ARMC2: variants seen among roughly 807,000 people sequenced by gnomAD.
ARMC2 encodes the protein armadillo repeat-containing protein 2.
Under a neutral mutation model 90.3 loss-of-function variants are expected in ARMC2, and 67 were observed. The observed-to-expected ratio is 0.74, with a 90% CI of 0.61 to 0.91. The LOEUF is 0.91. Among genes scored for constraint, ARMC2 ranks in the 40% least tolerant of loss-of-function variants. The pLI is 0.00. For missense variants in ARMC2, 920 were observed against 1,030.9 expected (o/e 0.89, Z 1.47); for synonymous variants, 393 against 393.0 (o/e 1.00, Z 0.00).
chr6:109,045,241 T>C, the ARMC2 span, among the ~76,000 whole-genome samples: 3 of 152,112 alleles, frequency 2.0e-5, no homozygotes, highest in African/African-American at 7.2e-5. Context: ...ATCTATCCCC[T>C]ATCCTCAACC....
rs1306879291 is a variant in ARMC2 at position 108,876,429 on chromosome 6, A to G, written c.671+79A>G. 2.1e-6 allele frequency: 3 copies of G among 1,436,908 alleles called. No homozygotes were observed. In the East Asian group the frequency reaches 7.0e-5, roughly 34 times the overall value. 89.0% of individuals were successfully genotyped at this position (1,436,908 alleles called of 1,614,324 possible). A position where few individuals can be genotyped will look rare whatever the true frequency, so the allele number is the denominator to read the frequency against. On this transcript the variant is annotated intron_variant, in intron 5 of 17. Coordinates refer to ENST00000392644, the MANE Select transcript of ARMC2 (RefSeq NM_032131.6). ...GTTTCTTCTCTATTTTATATAGATG[A>G]TTGGTTTGCTTTTTCTCTTTTATGT... is the stretch of plus-strand genomic sequence containing the variant.
chr6:109,033,414 T>A, the ARMC2 span, among the ~76,000 whole-genome samples: 2 of 152,224 alleles, frequency 1.3e-5, no homozygotes, highest in East Asian at 3.8e-4. Flanking sequence ...AAAGGTGGCA[T>A]TGTCAGAGGT....
intron 3 of ARMC2, among the ~76,000 whole-genome samples, chr6:108,861,406 C>T (rs1389679882): frequency 4.6e-5 from 7 of 152,190 alleles, no homozygotes; most frequent in Admixed American, 4.6e-4. Context: ...CTCATATGAA[C>T]AAGGACAGTC....
At chr6:109,040,657 C>CT in the ARMC2 span, among the ~76,000 whole-genome samples, 2,810 of 142,064 alleles carry the variant, frequency 0.02, 63 homozygotes, top group African/African-American at 0.056. Flanking sequence ...CTAGCATAAT[C>CT]TTTTTTTTTT....
chr6:108,988,783 TTCTC>T, the ARMC2 span: 45 of 1,017,156 alleles, frequency 4.4e-5, no homozygotes, highest in African/African-American at 1.7e-4. Context: ...ACTGTATTTT[TTCTC>T]TCTTTGTGTA....
chr6:108,857,960 T>A (rs1373209140), intron 2 of ARMC2, among the ~76,000 whole-genome samples: 1 of 152,200 alleles, frequency 6.6e-6, no homozygotes, highest in Non-Finnish European at 1.5e-5. Context: ...CAAAGCTTTT[T>A]AAAAAATTAC....
intron 12 of ARMC2, 136 bp from the exon 13 acceptor site, chr6:108,952,897 C>T (rs1489388806): frequency 6.1e-6 from 5 of 821,120 alleles, no homozygotes; most frequent in Admixed American, 2.8e-5. Context: ...GAATCAAATA[C>T]TGTACAAGTG....
rs781002767 is a variant in ARMC2, at chr6:108,854,385, G to T, written c.118G>T (p.Val40Phe). 6.2e-7 allele frequency: 1 copy of T among 1,613,256 alleles called. No individual in the cohort carries two copies. Among genetic ancestry groups the T allele is most frequent in the South Asian group, 1.1e-5 (1 of 91,050 alleles). Reference sequence around the variant, plus strand: ...TGAAGCAAGAAATGCATTAAGAACAGTTAGAACCCAAAGACCATTTACACC... The same window carrying T: ...TGAAGCAAGAAATGCATTAAGAACATTTAGAACCCAAAGACCATTTACACC... ...ISEARNALRT[V>F]RTQRPFTPQE... The change falls in exon 2 of 18, where the codon GTT (valine) becomes TTT (phenylalanine). Residue 40 changes from valine (V) to phenylalanine (F), a missense_variant. By Grantham distance (50) the Val-to-Phe change is conservative. Transcript: ENST00000392644.
At chr6:108,967,572 G>A (rs1051923344) in intron 17 of ARMC2, among the ~76,000 whole-genome samples, 16 of 152,178 alleles carry the variant, frequency 1.1e-4, no homozygotes, top group African/African-American at 3.9e-4. Context: ...ATGCCCAAGT[G>A]CCTGATATAA....
chr6:108,953,004 CT>C (rs1275839728), intron 12 of ARMC2, 28 bp from the exon 13 acceptor site: 1 of 1,570,080 alleles, frequency 6.4e-7, no homozygotes, highest in Non-Finnish European at 8.7e-7. Flanking sequence ...CCCCTTTGCA[CT>C]TTTGACTCTG....
At chr6:109,040,114 G>A in the ARMC2 span, among the ~76,000 whole-genome samples, 4 of 152,178 alleles carry the variant, frequency 2.6e-5, no homozygotes, top group African/African-American at 9.7e-5. Context: ...AAAAACTTCA[G>A]TCATGAGATA....
chr6:108,859,422 T>G (rs1774985816), intron 3 of ARMC2, among the ~76,000 whole-genome samples: 1 of 152,150 alleles, frequency 6.6e-6, no homozygotes, highest in Non-Finnish European at 1.5e-5. Context: ...TATAGTTTCT[T>G]GAGAAAGGGT....
At chr6:108,931,706 A>T (rs1368867517) in intron 11 of ARMC2, among the ~76,000 whole-genome samples, 1 of 148,882 alleles carries the variant, frequency 6.7e-6, no homozygotes. Flanking sequence ...CTTTTTTTCC[A>T]TATGCTTATT....
the ARMC2 span, among the ~76,000 whole-genome samples, chr6:108,994,291 C>T: frequency 1.3e-5 from 2 of 152,052 alleles, no homozygotes; most frequent in Non-Finnish European, 2.9e-5. Flanking sequence ...TCACTTATGA[C>T]CTTTTCTTAG....
chr6:108,909,099 A>C (rs1347397650), intron 8 of ARMC2, among the ~76,000 whole-genome samples: 1 of 152,224 alleles, frequency 6.6e-6, no homozygotes, highest in Non-Finnish European at 1.5e-5. Flanking sequence ...ATAACTTTAA[A>C]GATAGTTTTT....
chr6:108,990,762 TCATCAATCAACTGTCCCA>T, the ARMC2 span: 1 of 1,614,156 alleles, frequency 6.2e-7, no homozygotes, highest in Non-Finnish European at 8.5e-7. Flanking sequence ...GTGAAATTTT[TCATCAATCAACTGTCCCA>T]CATCTGGATA....
intron 5 of ARMC2, among the ~76,000 whole-genome samples, chr6:108,892,864 CA>C (rs2128456155): frequency 6.6e-6 from 1 of 152,022 alleles, no homozygotes; most frequent in South Asian, 2.1e-4. Flanking sequence ...GGCTAAGCTG[CA>C]ACATGGCATA....
chr6:108,987,289 A>G, the ARMC2 span: 1 of 365,738 alleles, frequency 2.7e-6, no homozygotes, highest in Non-Finnish European at 4.9e-6. Context: ...ACAGTTACAC[A>G]GCATCTTGTA....
In ARMC2 at chr6:108,912,473, T is replaced by A. The variant is rs1188036459; in HGVS notation, c.1265T>A (p.Ile422Lys). Residue 422 changes from isoleucine to lysine, a missense_variant, in exon 10 of 18, where the codon ATA (isoleucine) becomes AAA (lysine). Physicochemically the swap from Ile to Lys is moderately radical, Grantham distance 102 (BLOSUM62 -3). Transcript: ENST00000392644. Reference sequence around the variant, plus strand: ...ATGATCAGCAAAGGTGCTGTGGAAATACTGATAAATTTGATAAAACAAATA... The same window carrying A: ...ATGATCAGCAAAGGTGCTGTGGAAAAACTGATAAATTTGATAAAACAAATA... The part of the protein sequence containing the change: ...NEMISKGAVE[I>K]LINLIKQINE... 6.2e-7 allele frequency: 1 copy of A among 1,613,874 alleles called. No individual in the cohort carries two copies. The highest frequency in any genetic ancestry group is 8.5e-7 in the Non-Finnish European group (1 of 1,179,872).
Sources: gnomAD v4.1 joint callset for allele counts (sites outside exome capture counted in the v4.1 genomes callset) on GRCh38, gnomAD v4.1.1 for gene constraint, MANE v1.5 for transcripts, NCBI Gene and HGNC (gene_info 2026-07-23, HGNC 2026-07-21) for gene names.